The following HEY2 variants were observed in gnomAD, a reference collection of about 807,000 sequenced individuals.
HEY2 encodes hes related family bHLH transcription factor with YRPW motif 2, also known as hairy/enhancer-of-split related with YRPW motif protein 2.
A neutral mutation model predicts 18.1 loss-of-function variants in HEY2; 10 were observed. The observed-to-expected ratio is 0.55, with a 90% CI of 0.34 to 0.94. The LOEUF (loss-of-function observed/expected upper bound fraction) is 0.94, where lower values mean the gene tolerates loss of function less well. Among genes scored for constraint, HEY2 ranks in the 40% least tolerant of loss-of-function variants. The pLI is 0.02. For synonymous variants in HEY2, 210 were observed against 182.7 expected, an observed-to-expected ratio of 1.15 and a Z score of -1.21; for missense variants, 455 against 455.9, an observed-to-expected ratio of 1.00 and a Z score of 0.02.
At chr6:125,750,643 AT>A (rs941949099) in intron 1 of HEY2, among the ~76,000 whole-genome samples, 1 of 152,232 alleles carries the variant, frequency 6.6e-6, no homozygotes, top group African/African-American at 2.4e-5. Context: ...TCATATTGTT[AT>A]TCTAATACAT....
At chr6:125,752,453 T>TC (rs1340521997) in intron 3 of HEY2, among the ~76,000 whole-genome samples, 2 of 151,638 alleles carry the variant, frequency 1.3e-5, no homozygotes, top group Non-Finnish European at 1.5e-5. Context: ...ACCATTTTTT[T>TC]CTCAAAATTT....
Position 125,759,336 on chromosome 6 carries a change from A to G in HEY2, c.548A>G (p.His183Arg). The G allele has an allele frequency of 2.5e-6, 4 of 1,604,652 alleles. No homozygotes were observed. In the South Asian group the frequency reaches 4.4e-5, roughly 18 times the overall value. The change falls in exon 5 of 5, where the codon CAT (histidine) becomes CGT (arginine). Residue 183 changes from histidine (H) to arginine (R), a missense_variant. His to Arg is a conservative substitution (Grantham distance 29). Transcript: ENST00000368364. ...MAHHHHPLHP[H>R]HWAAAFHHLP... ...CACCACCATCATCCGCTCCACCCGCATCACTGGGCCGCCGCCTTCCACCAC... is the reference window on the plus strand; with the variant it reads ...CACCACCATCATCCGCTCCACCCGCGTCACTGGGCCGCCGCCTTCCACCAC...
At chr6:125,750,662 A>C (rs2128527931) in intron 1 of HEY2, among the ~76,000 whole-genome samples, 1 of 152,374 alleles carries the variant, frequency 6.6e-6, no homozygotes, top group South Asian at 2.1e-4. Context: ...CATACAAAGC[A>C]AAGCACAAAA....
chr6:125,753,895 A>G (rs1773600256), intron 3 of HEY2, among the ~76,000 whole-genome samples: 1 of 152,186 alleles, frequency 6.6e-6, no homozygotes, highest in African/African-American at 2.4e-5. Flanking sequence ...CCTTTTTAAA[A>G]TTTTTGGATC....
chr6:125,752,296 A>G (rs1421467864), intron 3 of HEY2, among the ~76,000 whole-genome samples: 3 of 152,072 alleles, frequency 2.0e-5, no homozygotes, highest in Admixed American at 1.3e-4. Context: ...ATAATCCATC[A>G]TGAAGTTGAA....
chr6:125,758,348 A>T (rs1773706524), intron 4 of HEY2, among the ~76,000 whole-genome samples: 1 of 152,218 alleles, frequency 6.6e-6, no homozygotes, highest in Non-Finnish European at 1.5e-5. Context: ...GGTGTATGCT[A>T]GAAAAATGTA....
At chr6:125,750,944 A>C (rs1773531997) in intron 1 of HEY2, among the ~76,000 whole-genome samples, 1 of 152,244 alleles carries the variant, frequency 6.6e-6, no homozygotes, top group African/African-American at 2.4e-5. Context: ...GAGAACACAA[A>C]GAAGCATAGT....
intron 1 of HEY2, chr6:125,750,484 CAG>C: frequency 1.2e-6 from 1 of 830,474 alleles, no homozygotes; most frequent in Non-Finnish European, 1.5e-6. Flanking sequence ...TTTCCTGTGA[CAG>C]AGGGAGATTA....
intron 3 of HEY2, 35 bp from the exon 4 acceptor site, chr6:125,754,430 C>A: frequency 7.9e-7 from 1 of 1,273,138 alleles, no homozygotes; most frequent in Non-Finnish European, 1.1e-6. Context: ...TTCTGTAGGA[C>A]ATAGGATTAT....
intron 3 of HEY2, among the ~76,000 whole-genome samples, chr6:125,753,871 A>C (rs1439746462): frequency 6.6e-6 from 1 of 152,312 alleles, no homozygotes; most frequent in East Asian, 1.9e-4. Flanking sequence ...GGGGAAAAAA[A>C]CCTTAAAAGT....
At chr6:125,754,360 C>A in intron 3 of HEY2, 105 bp from the exon 4 acceptor site, 1 of 549,716 alleles carries the variant, frequency 1.8e-6, no homozygotes, top group Non-Finnish European at 3.0e-6. Flanking sequence ...TTGGGATTGT[C>A]TAGTGAGAGG....
At position 125,759,350 on chromosome 6, in the gene HEY2, G is replaced by T; in HGVS notation, c.562G>T (p.Ala188Ser). 1 of 1,604,122 alleles carries T rather than the reference G, an allele frequency of 6.2e-7. No homozygotes were observed. ...GCTCCACCCGCATCACTGGGCCGCC[G>T]CCTTCCACCACCTGCCCGCAGCCCT... Reference protein sequence around the residue: ...HPLHPHHWAAAFHHLPAALLQ... With the variant: ...HPLHPHHWAASFHHLPAALLQ... Residue 188 changes from alanine (A) to serine (S), a missense_variant, in exon 5 of 5, where the codon GCC becomes TCC. Physicochemically the swap from Ala to Ser is moderately conservative, Grantham distance 99. Coordinates refer to ENST00000368364, the MANE Select transcript of HEY2 (RefSeq NM_012259.3).
intron 4 of HEY2, among the ~76,000 whole-genome samples, 172 bp downstream of exon 4, chr6:125,754,718 G>T (rs545701475): frequency 6.6e-6 from 1 of 152,144 alleles, no homozygotes; most frequent in African/African-American, 2.4e-5. Context: ...GATTGAACTC[G>T]TGGGAAAGAA....
chr6:125,757,309 T>C (rs1773682677), intron 4 of HEY2, among the ~76,000 whole-genome samples: 1 of 152,216 alleles, frequency 6.6e-6, no homozygotes, highest in South Asian at 2.1e-4. Context: ...GAATACCTCT[T>C]CTTCAGGAAT....
At chr6:125,752,437 A>AAAC (rs1281060672) in intron 3 of HEY2, among the ~76,000 whole-genome samples, 6 of 151,616 alleles carry the variant, frequency 4.0e-5, no homozygotes, top group African/African-American at 1.2e-4. Context: ...CAAAAAAAAA[A>AAAC]AAAAAACCAT....
At chr6:125,757,165 A>T (rs1032392967) in intron 4 of HEY2, among the ~76,000 whole-genome samples, 1 of 152,134 alleles carries the variant, frequency 6.6e-6, no homozygotes, top group Non-Finnish European at 1.5e-5. Context: ...TAGTAGAATA[A>T]CCTAAGTTTC....
chr6:125,759,433 T>G lies in HEY2; in HGVS notation c.645T>G (p.Thr215=), dbSNP rs1285961577. The change falls in exon 5 of 5, where the codon ACT becomes ACG. Residue 215 remains threonine, a synonymous_variant. Transcript: ENST00000368364. ...SESTPCRLST[T]SEVPPAHGSA... is the part of the protein sequence containing the mutation. ...CAACCCCTTGTCGCCTCTCCACAACTTCAGAAGTGCCTCCTGCCCACGGCT... is the reference window on the plus strand; with the variant it reads ...CAACCCCTTGTCGCCTCTCCACAACGTCAGAAGTGCCTCCTGCCCACGGCT... 6.2e-7 allele frequency: 1 copy of G among 1,611,800 alleles called. No homozygotes were observed. Among genetic ancestry groups the G allele is most frequent in the Non-Finnish European group, 8.5e-7 (1 of 1,179,952 alleles).
chr6:125,759,960 A>G lies in HEY2; in HGVS notation c.*158A>G. On this transcript the variant is annotated 3_prime_UTR_variant, in exon 5 of 5. Transcript: ENST00000368364. ...CAAACCTCACGAGTGGAAATGTGGT[A>G]TTCTCTTTTTTTTCTCTCCCTTTTT... 1.5e-6 allele frequency: 1 copy of G among 670,766 alleles called. No individual in the cohort carries two copies. The highest frequency in any genetic ancestry group is 2.5e-6 in the Non-Finnish European group (1 of 402,860). 41.6% of individuals were successfully genotyped at this position (670,766 alleles called of 1,614,324 possible).
intron 1 of HEY2, among the ~76,000 whole-genome samples, chr6:125,750,875 C>G (rs1451588131): frequency 3.9e-5 from 6 of 152,138 alleles, no homozygotes; most frequent in Non-Finnish European, 7.4e-5. Context: ...TAATAGCAAC[C>G]TGGTGTGTGC....
Sources: gnomAD v4.1 joint callset for allele counts (sites outside exome capture counted in the v4.1 genomes callset) on GRCh38, gnomAD v4.1.1 for gene constraint, MANE v1.5 for transcripts, NCBI Gene and HGNC (gene_info 2026-07-23, HGNC 2026-07-21) for gene names.